Variants in RPS6KA2 observed in about 807,000 individuals in gnomAD.
The protein encoded by RPS6KA2 is ribosomal protein S6 kinase A2, also known as ribosomal protein S6 kinase alpha-2.
Under a neutral mutation model 91.8 loss-of-function variants are expected in RPS6KA2, and 42 were observed. The ratio of observed to expected loss-of-function variants is 0.46; its 90% CI spans 0.36 to 0.59. The LOEUF is 0.59. Among genes scored for constraint, RPS6KA2 ranks in the 20% least tolerant of loss-of-function variants. The pLI is 0.00. For missense variants in RPS6KA2, 798 were observed against 978.5 expected, an observed-to-expected ratio of 0.82 and a Z score of 2.46; for synonymous variants, 414 against 393.6, an observed-to-expected ratio of 1.05 and a Z score of -0.61.
intron 2 of RPS6KA2, among the ~76,000 whole-genome samples, chr6:166,847,995 T>C (rs771888306): frequency 5.9e-5 from 9 of 152,008 alleles, no homozygotes; most frequent in African/African-American, 1.2e-4. Context: ...TGGAAGAAAA[T>C]CTTCACAACC....
At chr6:166,571,785 C>T (rs975057979) in intron 1 of RPS6KA2, among the ~76,000 whole-genome samples, 1 of 151,668 alleles carries the variant, frequency 6.6e-6, no homozygotes, top group Non-Finnish European at 1.5e-5. Flanking sequence ...CCAGTGTGAG[C>T]GCAGCTTGAA....
At chr6:166,818,125 T>C (rs1779817280) in intron 2 of RPS6KA2, among the ~76,000 whole-genome samples, 1 of 152,096 alleles carries the variant, frequency 6.6e-6, no homozygotes, top group South Asian at 2.1e-4. Flanking sequence ...ATGACAATAA[T>C]ATTGTTGTGC....
chr6:166,734,355 C>G (rs6456118), intron 2 of RPS6KA2, among the ~76,000 whole-genome samples: 53,080 of 151,916 alleles, frequency 0.35, 13,238 homozygotes, highest in African/African-American at 0.72. Flanking sequence ...GAATTCTCAA[C>G]TCAAGATTTT....
chr6:166,850,080 T>C (rs1226115529), intron 2 of RPS6KA2, among the ~76,000 whole-genome samples: 1 of 152,232 alleles, frequency 6.6e-6, no homozygotes, highest in Non-Finnish European at 1.5e-5. Context: ...GTGGGATGTT[T>C]GGGTTCTACA....
intron 14 of RPS6KA2, among the ~76,000 whole-genome samples, chr6:166,442,746 ATGACATCT>A (rs1779559877): frequency 2.0e-5 from 3 of 152,196 alleles, no homozygotes; most frequent in Non-Finnish European, 4.4e-5. Flanking sequence ...TATGCCTATT[ATGACATCT>A]ATAATAAATA....
intron 2 of RPS6KA2, among the ~76,000 whole-genome samples, chr6:166,669,740 G>T (rs1157033275): frequency 3.3e-5 from 5 of 152,180 alleles, no homozygotes; most frequent in South Asian, 2.1e-4. Context: ...GCTCATGCCT[G>T]TGATGCTTCA....
In RPS6KA2 at chr6:166,461,541, G is replaced by C. The variant is rs866845960; in HGVS notation, c.973-1990C>G. ...GAGATGGGGAGAGATGGGGAGAGAG[G>C]GGGTGGGGGGAGAAAGAGACGGAGG... On this transcript the variant is annotated intron_variant, in intron 11 of 20. Coordinates refer to ENST00000265678, the MANE Select transcript of RPS6KA2 (RefSeq NM_021135.6). Among the ~76,000 whole-genome samples the C allele has an allele frequency of 1.4e-3, 202 of 143,884 alleles. 2 individuals are homozygous for C. Among genetic ancestry groups the C allele is most frequent in the Middle Eastern group, 3.5e-3 (1 of 284 alleles). The allele number at this position is 143,884 out of a possible 152,430, so 94.4% of individuals were successfully genotyped here. A position where few individuals can be genotyped will look rare whatever the true frequency, so the allele number is the denominator to read the frequency against.
chr6:166,555,309 C>T (rs1383297992), intron 1 of RPS6KA2, among the ~76,000 whole-genome samples: 1 of 152,204 alleles, frequency 6.6e-6, no homozygotes, highest in Non-Finnish European at 1.5e-5. Context: ...TAGACACTGA[C>T]CACCTGCACC....
chr6:166,456,785 T>G (rs1361542530), intron 12 of RPS6KA2, among the ~76,000 whole-genome samples: 1 of 152,250 alleles, frequency 6.6e-6, no homozygotes, highest in African/African-American at 2.4e-5. Flanking sequence ...AGCACTTCAA[T>G]TACTACCTAC....
chr6:166,793,122 A>G (rs2128614864), intron 2 of RPS6KA2, among the ~76,000 whole-genome samples: 1 of 152,320 alleles, frequency 6.6e-6, no homozygotes, highest in African/African-American at 2.4e-5. Flanking sequence ...TCTCAGCCCA[A>G]AATCTCCTTA....
At chr6:166,524,157 A>C (rs571757070) in intron 3 of RPS6KA2, among the ~76,000 whole-genome samples, 1 of 152,310 alleles carries the variant, frequency 6.6e-6, no homozygotes, top group African/African-American at 2.4e-5. Context: ...CAACAGAGAG[A>C]TTCTGCTGGA....
intron 1 of RPS6KA2, among the ~76,000 whole-genome samples, chr6:166,583,409 T>A (rs531628743): frequency 6.6e-6 from 1 of 152,178 alleles, no homozygotes; most frequent in Non-Finnish European, 1.5e-5. Context: ...GGTGATTAAA[T>A]TGTTGAGCAA....
At chr6:166,520,483 G>A (rs902636419) in intron 3 of RPS6KA2, among the ~76,000 whole-genome samples, 4 of 152,158 alleles carry the variant, frequency 2.6e-5, no homozygotes, top group Non-Finnish European at 5.9e-5. Flanking sequence ...ATACCCATGT[G>A]AGCTGATTCC....
At chr6:166,534,200 C>T (rs140363473) in intron 2 of RPS6KA2, among the ~76,000 whole-genome samples, 7,660 of 118,088 alleles carry the variant, frequency 0.065, 715 homozygotes, top group African/African-American at 0.23. Flanking sequence ...CCGGCCTGGG[C>T]GAAACAGCGA....
At chr6:166,847,068 C>G (rs1780626423) in intron 2 of RPS6KA2, among the ~76,000 whole-genome samples, 1 of 152,098 alleles carries the variant, frequency 6.6e-6, no homozygotes, top group Non-Finnish European at 1.5e-5. Context: ...AGCAAAGTTT[C>G]CAGATACAAA....
At chr6:166,504,639 A>C in intron 5 of RPS6KA2, 27 bp from the exon 6 acceptor site, 2 of 1,487,912 alleles carry the variant, frequency 1.3e-6, no homozygotes, top group Non-Finnish European at 1.9e-6. Context: ...AAAAACAAAA[A>C]CAAAAAACGT....
At chr6:166,637,245 G>A (rs1410349702) in intron 2 of RPS6KA2, among the ~76,000 whole-genome samples, 1 of 152,252 alleles carries the variant, frequency 6.6e-6, no homozygotes, top group African/African-American at 2.4e-5. Flanking sequence ...AAGGCTTGTT[G>A]GCCAAGGACA....
chr6:166,824,110 T>C (rs1007229307), intron 2 of RPS6KA2, among the ~76,000 whole-genome samples: 1 of 152,190 alleles, frequency 6.6e-6, no homozygotes, highest in Non-Finnish European at 1.5e-5. Context: ...CACATGTGAA[T>C]ATACATGCTT....
chr6:166,702,438 TTGTCTAGC>T, intron 2 of RPS6KA2: 3 of 619,084 alleles, frequency 4.8e-6, no homozygotes, highest in Non-Finnish European at 5.0e-6. Flanking sequence ...TGTCTAGCGC[TTGTCTAGC>T]TTGGTCCTTA....
Sources: gnomAD v4.1 joint callset for allele counts (sites outside exome capture counted in the v4.1 genomes callset) on GRCh38, gnomAD v4.1.1 for gene constraint, MANE v1.5 for transcripts, NCBI Gene and HGNC (gene_info 2026-07-23, HGNC 2026-07-21) for gene names.